The following RBFOX1 variants were observed in gnomAD, a reference collection of about 807,000 sequenced individuals.
The protein encoded by RBFOX1 is RNA binding fox-1 homolog 1, also known as RNA binding protein fox-1 homolog 1.
A neutral mutation model predicts 57.7 loss-of-function variants in RBFOX1; 8 were observed. The observed-to-expected ratio is 0.14, with a 90% CI of 0.08 to 0.25. The LOEUF is 0.25. Among genes scored for constraint, RBFOX1 ranks in the 10% least tolerant of loss-of-function variants. The pLI is 1.00. For synonymous variants in RBFOX1, 326 were observed against 222.4 expected, an observed-to-expected ratio of 1.47 and a Z score of -4.15; for missense variants, 611 against 548.5, an observed-to-expected ratio of 1.11 and a Z score of -1.14.
At chr16:6,473,940 G>A (rs1351038924) in intron 2 of RBFOX1, among the ~76,000 whole-genome samples, 5 of 152,208 alleles carry the variant, frequency 3.3e-5, no homozygotes, top group Non-Finnish European at 4.4e-5. Context: ...TTCTGAGCCA[G>A]TGGATTTTTG....
chr16:5,850,762 C>T (rs1291947068), intron 3 of RBFOX1, among the ~76,000 whole-genome samples: 1 of 152,168 alleles, frequency 6.6e-6, no homozygotes, highest in Non-Finnish European at 1.5e-5. Flanking sequence ...AGGGCGACTC[C>T]AGAGCCTGAT....
chr16:6,845,144 G>C (rs370186797), intron 3 of RBFOX1, among the ~76,000 whole-genome samples: 4 of 80,026 alleles, frequency 5.0e-5, no homozygotes, highest in African/African-American at 1.5e-4. Flanking sequence ...TGTTCACTCT[G>C]GTAGTTTCTT....
intron 4 of RBFOX1, among the ~76,000 whole-genome samples, chr16:5,941,711 C>A (rs900199197): frequency 2.7e-5 from 4 of 150,880 alleles, no homozygotes; most frequent in African/African-American, 9.7e-5. Context: ...AGGAATTATC[C>A]CATTTTTTTT....
At chr16:7,135,689 G>C (rs183863555) in intron 4 of RBFOX1, among the ~76,000 whole-genome samples, 1 of 152,230 alleles carries the variant, frequency 6.6e-6, no homozygotes, top group Admixed American at 6.5e-5. Context: ...ATTCCAACAA[G>C]AGATAAGGCC....
chr16:6,344,434 A>G (rs1358083992), intron 2 of RBFOX1, among the ~76,000 whole-genome samples: 2 of 107,674 alleles, frequency 1.9e-5, no homozygotes, highest in African/African-American at 4.7e-5. Context: ...CAGAGTCTCT[A>G]TCGCCCAGGC....
intron 3 of RBFOX1, among the ~76,000 whole-genome samples, chr16:6,972,945 G>A (rs543731001): frequency 6.6e-6 from 1 of 152,128 alleles, no homozygotes; most frequent in East Asian, 1.9e-4. Context: ...CCAACATGGT[G>A]AAACCCCATC....
chr16:7,270,813 C>G (rs1286968010), intron 4 of RBFOX1, among the ~76,000 whole-genome samples: 6 of 152,142 alleles, frequency 3.9e-5, no homozygotes, highest in African/African-American at 1.4e-4. Context: ...TCAACTTTCC[C>G]CGCTTTCTCC....
chr16:6,619,076 T>C (rs2098186261), intron 2 of RBFOX1, among the ~76,000 whole-genome samples: 1 of 151,792 alleles, frequency 6.6e-6, no homozygotes, highest in Non-Finnish European at 1.5e-5. Context: ...CTGCAGAGGG[T>C]CAAGGTTGCA....
At chr16:5,554,663 C>G (rs1444142971) in intron 2 of RBFOX1, among the ~76,000 whole-genome samples, 1 of 152,076 alleles carries the variant, frequency 6.6e-6, no homozygotes, top group Non-Finnish European at 1.5e-5. Flanking sequence ...AAATTTAAGA[C>G]AAATGAATTG....
intron 3 of RBFOX1, among the ~76,000 whole-genome samples, chr16:6,953,358 G>A (rs1027242262): frequency 2.1e-5 from 3 of 146,028 alleles, no homozygotes; most frequent in Admixed American, 6.8e-5. Flanking sequence ...AGATCACAAT[G>A]TTTCCCATAT....
chr16:7,180,001 C>T (rs991859854), intron 4 of RBFOX1, among the ~76,000 whole-genome samples: 2 of 152,008 alleles, frequency 1.3e-5, no homozygotes, highest in African/African-American at 4.8e-5. Context: ...CCTTAGACCC[C>T]CAAAGTGCTG....
Position 6,863,725 on chromosome 16 carries a change from CTTTTTTTTTTTTTTT to C in RBFOX1, c.-15-188319_-15-188305del, listed in dbSNP as rs71408412. 4.4e-4 allele frequency among the ~76,000 whole-genome samples: 30 copies of C among 67,770 alleles called. 1 individual carries two copies. The highest frequency in any genetic ancestry group is 6.7e-4 in the Non-Finnish European group (26 of 39,076). The allele number at this position is 67,770 out of a possible 152,430, so 44.5% of individuals were successfully genotyped here. A position where few individuals can be genotyped will look rare whatever the true frequency, so the allele number is the denominator to read the frequency against. ...CGGAAGCACAAATTGGATGCCTGCG[CTTTTTTTTTTTTTTT>C]TTTTTTTTTTTTACCAAAACCAAAT... On this transcript the variant is annotated intron_variant, in intron 3 of 15. Coordinates refer to ENST00000550418, the MANE Select transcript of RBFOX1 (RefSeq NM_018723.4).
chr16:5,817,890 C>G (rs1296455633), intron 3 of RBFOX1, among the ~76,000 whole-genome samples: 1 of 151,968 alleles, frequency 6.6e-6, no homozygotes. Context: ...TGGGGATTCA[C>G]CGTGTTAGCC....
At chr16:7,351,431 C>G (rs1289713627) in intron 4 of RBFOX1, among the ~76,000 whole-genome samples, 1 of 152,168 alleles carries the variant, frequency 6.6e-6, no homozygotes, top group South Asian at 2.1e-4. Context: ...AGCTTTGATT[C>G]TTTTTTTAGT....
At chr16:5,538,002 T>G (rs1314810929) in intron 2 of RBFOX1, among the ~76,000 whole-genome samples, 1 of 152,180 alleles carries the variant, frequency 6.6e-6, no homozygotes, top group Non-Finnish European at 1.5e-5. Flanking sequence ...AAGGTCAGCA[T>G]AAGAACCACA....
intron 1 of RBFOX1, among the ~76,000 whole-genome samples, chr16:6,239,241 G>C (rs1458935180): frequency 6.6e-6 from 1 of 152,034 alleles, no homozygotes; most frequent in Non-Finnish European, 1.5e-5. Context: ...GCTTTGCTTT[G>C]ATGTTCGTCT....
At chr16:5,508,160 G>T (rs1353162591) in intron 2 of RBFOX1, among the ~76,000 whole-genome samples, 2 of 152,180 alleles carry the variant, frequency 1.3e-5, no homozygotes, top group Non-Finnish European at 2.9e-5. Context: ...TCTGTGTGCT[G>T]GGGGTCTGGA....
chr16:6,850,522 G>T (rs1315727494), intron 3 of RBFOX1, among the ~76,000 whole-genome samples: 3 of 152,038 alleles, frequency 2.0e-5, no homozygotes, highest in African/African-American at 4.8e-5. Context: ...AGAGGAAGTT[G>T]GAGGAAGAAA....
chr16:7,630,492 G>T (rs1017775693), intron 10 of RBFOX1, 111 bp from the exon 11 acceptor site: 82 of 1,543,818 alleles, frequency 5.3e-5, no homozygotes, highest in Non-Finnish European at 6.5e-5. Flanking sequence ...CTGCGCTCTG[G>T]GATGTGGCTA....
Sources: allele counts gnomAD v4.1 joint callset (sites outside exome capture counted in the v4.1 genomes callset), GRCh38; gene constraint gnomAD v4.1.1; transcripts MANE v1.5; gene names NCBI Gene and HGNC (gene_info 2026-07-23, HGNC 2026-07-21).